SFXN1: variants seen among roughly 807,000 people sequenced by gnomAD.
The protein encoded by SFXN1 is sideroflexin 1, also known as sideroflexin-1.
In SFXN1, 32 loss-of-function variants were observed where a neutral mutation model predicts 39.5. The ratio of observed to expected loss-of-function variants is 0.81; its 90% CI spans 0.61 to 1.09. The LOEUF is 1.09. Ranked by LOEUF, SFXN1 falls within the 50% of genes least tolerant of loss-of-function variation. SFXN1 has a pLI of 0.00. For synonymous variants in SFXN1, 136 were observed against 146.5 expected (o/e 0.93, Z 0.52); for missense variants, 402 against 407.1 (o/e 0.99, Z 0.11).
chr5:175,495,245 G>A (rs1444158197), intron 2 of SFXN1, among the ~76,000 whole-genome samples: 3 of 152,162 alleles, frequency 2.0e-5, no homozygotes, highest in African/African-American at 4.8e-5. Context: ...GAGGTACCTA[G>A]AGTAGTCAAA....
At position 175,526,932 on chromosome 5, in the gene SFXN1, A is replaced by G. The variant is rs1036218600; in HGVS notation, c.*198A>G. The G allele has an allele frequency of 3.5e-6, 2 of 573,914 alleles. No individual in the cohort carries two copies. The highest frequency in any genetic ancestry group is 3.7e-5 in the African/African-American group (2 of 53,470). 35.6% of individuals were successfully genotyped at this position (573,914 alleles called of 1,614,324 possible). On this transcript the variant is annotated 3_prime_UTR_variant, in exon 11 of 11. Transcript: ENST00000321442. ...AGTGCCTGATACTCCCTTACACTGA[A>G]TCATGTTATGATTTATAGAAATACC...
At chr5:175,493,999 G>A in intron 2 of SFXN1, among the ~76,000 whole-genome samples, 1 of 152,136 alleles carries the variant, frequency 6.6e-6, no homozygotes, top group Non-Finnish European at 1.5e-5. Flanking sequence ...GATATAGATG[G>A]AAAAGAAGGG....
intron 2 of SFXN1, among the ~76,000 whole-genome samples, chr5:175,495,380 T>TG (rs1311899309): frequency 2.0e-5 from 3 of 152,172 alleles, no homozygotes; most frequent in African/African-American, 7.2e-5. Flanking sequence ...TGGATAGTGG[T>TG]GATGACCACA....
In SFXN1 at chr5:175,513,443, G is replaced by C; in HGVS notation, c.597-20G>C. The C allele has an allele frequency of 1.2e-6, 2 of 1,609,586 alleles. No individual in the cohort carries two copies. The highest frequency in any genetic ancestry group is 1.7e-6 in the Non-Finnish European group (2 of 1,177,050). On this transcript the variant is annotated intron_variant, in intron 6 of 10. Coordinates refer to ENST00000321442, the MANE Select transcript of SFXN1 (RefSeq NM_022754.7). The stretch of plus-strand genomic sequence containing the variant: ...ATTGAAGGCATTGGTGGAGCTCTCT[G>C]TATGTGTTTTGCTCTGCAGGGAACT...
Position 175,513,540 on chromosome 5 carries a change from C to G in SFXN1, c.674C>G (p.Ala225Gly). ...GAGTCGGCGAACGCTGCGAAACAAG[C>G]CATCACGCAAGTTGTCGTGTCCAGG... Reference protein sequence around the residue: ...LGESANAAKQAITQVVVSRIL... With the variant: ...LGESANAAKQGITQVVVSRIL... Residue 225 changes from alanine to glycine, a missense_variant, in exon 7 of 11, where the codon GCC becomes GGC. Physicochemically the swap from Ala to Gly is moderately conservative, Grantham distance 60 (BLOSUM62 0). Coordinates refer to ENST00000321442, the MANE Select transcript of SFXN1 (RefSeq NM_022754.7). 1 of 1,613,934 alleles carries G rather than the reference C, an allele frequency of 6.2e-7. No homozygotes were observed. The highest frequency in any genetic ancestry group is 8.5e-7 in the Non-Finnish European group (1 of 1,179,938).
At chr5:175,482,123 A>G (rs1202796752) in intron 1 of SFXN1, among the ~76,000 whole-genome samples, 3 of 152,290 alleles carry the variant, frequency 2.0e-5, no homozygotes, top group Non-Finnish European at 2.9e-5. Context: ...TAGCAATCTA[A>G]CAATGCATGG....
intron 2 of SFXN1, among the ~76,000 whole-genome samples, chr5:175,505,571 A>T (rs62386252): frequency 1.5e-5 from 2 of 135,724 alleles, no homozygotes; most frequent in Admixed American, 7.3e-5. Context: ...TAATAATAAT[A>T]ATTCTAAGGT....
chr5:175,502,390 C>T (rs540548010), intron 2 of SFXN1, among the ~76,000 whole-genome samples: 3 of 152,202 alleles, frequency 2.0e-5, no homozygotes, highest in African/African-American at 7.2e-5. Flanking sequence ...GAATTCCTTC[C>T]CAAGGTTAGT....
At chr5:175,508,932 G>C in intron 2 of SFXN1, 100 bp from the exon 3 acceptor site, 1 of 1,198,748 alleles carries the variant, frequency 8.3e-7, no homozygotes, top group Non-Finnish European at 1.2e-6. Context: ...ACCACACCCA[G>C]CCAGAGCATA....
At chr5:175,514,548 A>G (rs1489125125) in intron 7 of SFXN1, among the ~76,000 whole-genome samples, 1 of 152,210 alleles carries the variant, frequency 6.6e-6, no homozygotes, top group East Asian at 1.9e-4. Flanking sequence ...ACTGAATGCA[A>G]ACAGCGCTTG....
chr5:175,515,158 A>C (rs142736045), intron 7 of SFXN1, among the ~76,000 whole-genome samples: 1 of 152,190 alleles, frequency 6.6e-6, no homozygotes, highest in African/African-American at 2.4e-5. Context: ...CTGGGACTAC[A>C]GGCGTGCGCC....
At chr5:175,484,760 A>C (rs193088087) in intron 1 of SFXN1, among the ~76,000 whole-genome samples, 1 of 152,150 alleles carries the variant, frequency 6.6e-6, no homozygotes, top group African/African-American at 2.4e-5. Context: ...GGGTTTTACT[A>C]TGTTGCCCAG....
chr5:175,509,757 G>A (rs981011088), intron 3 of SFXN1, among the ~76,000 whole-genome samples: 1 of 152,302 alleles, frequency 6.6e-6, no homozygotes, highest in African/African-American at 2.4e-5. Flanking sequence ...TGCAAGTGCT[G>A]TTAGGAGGGC....
At chr5:175,513,800 G>A (rs1760621268) in intron 7 of SFXN1, 1 of 467,332 alleles carries the variant, frequency 2.1e-6, no homozygotes, top group Non-Finnish European at 3.9e-6. Context: ...TGTGGGTAGG[G>A]CAGCCGGGGA....
At chr5:175,502,014 G>C (rs1461741538) in intron 2 of SFXN1, among the ~76,000 whole-genome samples, 1 of 152,166 alleles carries the variant, frequency 6.6e-6, no homozygotes, top group Non-Finnish European at 1.5e-5. Flanking sequence ...TTGGGAAGTG[G>C]GGAGTGCTGG....
intron 2 of SFXN1, among the ~76,000 whole-genome samples, chr5:175,508,075 A>AC (rs1313962134): frequency 6.6e-6 from 1 of 152,146 alleles, no homozygotes; most frequent in Non-Finnish European, 1.5e-5. Flanking sequence ...CTAATTGTTT[A>AC]AAGTATTTTA....
chr5:175,522,482 G>A (rs367854666), intron 10 of SFXN1, 60 bp downstream of exon 10: 372 of 1,508,358 alleles, frequency 2.5e-4, no homozygotes, highest in Admixed American at 6.2e-4. Flanking sequence ...CCAATTGAAG[G>A]TGCAGGTGCC....
In SFXN1 at chr5:175,527,858, TG is replaced by T. The variant is rs1443645127; in HGVS notation, c.*1126del. 6.6e-6 allele frequency: 1 copy of T among 151,536 alleles called. No individual in the cohort carries two copies. The highest frequency in any genetic ancestry group is 1.5e-5 in the Non-Finnish European group (1 of 68,018). 9.4% of individuals were successfully genotyped at this position (151,536 alleles called of 1,614,324 possible). A position where few individuals can be genotyped will look rare whatever the true frequency, so the allele number is the denominator to read the frequency against. On this transcript the variant is annotated 3_prime_UTR_variant, in exon 11 of 11. Transcript: ENST00000321442. ...GTAGATGTTTAACGTCATAGACAGT[TG>T]GCCCTCTGTATCCGTGAGCTCTATA...
chr5:175,502,896 C>T (rs1760137679), intron 2 of SFXN1, among the ~76,000 whole-genome samples: 1 of 152,004 alleles, frequency 6.6e-6, no homozygotes, highest in Non-Finnish European at 1.5e-5. Flanking sequence ...ATCCATCCAT[C>T]GAACAGATTA....
Sources: gnomAD v4.1 joint callset for allele counts (sites outside exome capture counted in the v4.1 genomes callset) on GRCh38, gnomAD v4.1.1 for gene constraint, MANE v1.5 for transcripts, NCBI Gene and HGNC (gene_info 2026-07-23, HGNC 2026-07-21) for gene names.